Variants in LIMCH1 observed in about 807,000 individuals in gnomAD.
LIMCH1 encodes the protein LIM and calponin homology domains-containing protein 1.
In LIMCH1, 113 loss-of-function variants were observed where a neutral mutation model predicts 176.5. That is an observed-to-expected ratio of 0.64 (90% CI 0.55 to 0.75). The LOEUF is 0.75. LIMCH1 is among the 30% of genes least tolerant of loss of function. The pLI is 0.00. For synonymous variants in LIMCH1, 619 were observed against 645.9 expected, an observed-to-expected ratio of 0.96 and a Z score of 0.63; for missense variants, 1,674 against 1,814.9, an observed-to-expected ratio of 0.92 and a Z score of 1.41.
intron 23 of LIMCH1, among the ~76,000 whole-genome samples, chr4:41,676,720 A>C (rs1300735835): frequency 1.3e-5 from 2 of 152,208 alleles, no homozygotes; most frequent in Non-Finnish European, 2.9e-5. Context: ...AGTATGGATA[A>C]GGGCCAGTCT....
At chr4:41,397,109 T>C (rs555907345) in intron 1 of LIMCH1, among the ~76,000 whole-genome samples, 1 of 152,246 alleles carries the variant, frequency 6.6e-6, no homozygotes, top group African/African-American at 2.4e-5. Flanking sequence ...ATTGGGCCAT[T>C]GGTTTGGTCA....
intron 14 of LIMCH1, among the ~76,000 whole-genome samples, chr4:41,642,647 C>T (rs892502595): frequency 6.6e-6 from 1 of 152,078 alleles, no homozygotes. Context: ...CAACTTCTGC[C>T]TCCCAGGTTC....
intron 1 of LIMCH1, among the ~76,000 whole-genome samples, chr4:41,465,989 C>T (rs2066058216): frequency 7.5e-6 from 1 of 133,026 alleles, no homozygotes; most frequent in Non-Finnish European, 1.5e-5. Context: ...GTCAGAGTCT[C>T]GCTCTGTCTC....
chr4:41,548,987 A>G (rs1013977429), intron 1 of LIMCH1, among the ~76,000 whole-genome samples: 2 of 152,050 alleles, frequency 1.3e-5, no homozygotes, highest in African/African-American at 4.8e-5. Flanking sequence ...ATAAAACTGA[A>G]TGATTGCTGA....
chr4:41,371,167 G>A (rs1310107396), intron 1 of LIMCH1, among the ~76,000 whole-genome samples: 3 of 152,192 alleles, frequency 2.0e-5, no homozygotes, highest in Non-Finnish European at 2.9e-5. Context: ...TAACCAAGCA[G>A]GTGACCTGCC....
At chr4:41,406,924 A>G (rs1581664253) in intron 1 of LIMCH1, among the ~76,000 whole-genome samples, 1 of 152,142 alleles carries the variant, frequency 6.6e-6, no homozygotes, top group Non-Finnish European at 1.5e-5. Flanking sequence ...AGTTGATCAC[A>G]TTTGTTCACC....
rs529662982 is a variant in LIMCH1 at position 41,413,491 on chromosome 4, G to A, written c.96+52555G>A. 8.7e-3 allele frequency among the ~76,000 whole-genome samples: 1,193 copies of A among 137,564 alleles called. 23 individuals carry two copies. The highest frequency in any genetic ancestry group is 0.032 in the African/African-American group (1,124 of 34,846). 90.2% of individuals were successfully genotyped at this position (137,564 alleles called of 152,430 possible). A position where few individuals can be genotyped will look rare whatever the true frequency, so the allele number is the denominator to read the frequency against. On this transcript the variant is annotated intron_variant, in intron 1 of 26. Transcript: ENST00000313860. ...ATTACAGGAACATGCCACCATGCCT[G>A]GCTATTTTTTTTTTTTTTGTATTTT...
chr4:41,587,502 G>A (rs2086694772), intron 1 of LIMCH1, among the ~76,000 whole-genome samples: 1 of 152,152 alleles, frequency 6.6e-6, no homozygotes, highest in Non-Finnish European at 1.5e-5. Context: ...AGAAACTCAT[G>A]AACAGCAAGA....
chr4:41,524,149 T>C (rs1394808881), intron 2 of LIMCH1, among the ~76,000 whole-genome samples: 1 of 152,238 alleles, frequency 6.6e-6, no homozygotes, highest in Non-Finnish European at 1.5e-5. Context: ...GTCCTTTTCC[T>C]TGAAGCCCTC....
At chr4:41,455,494 C>T (rs2064475462) in intron 1 of LIMCH1, among the ~76,000 whole-genome samples, 1 of 152,172 alleles carries the variant, frequency 6.6e-6, no homozygotes, top group African/African-American at 2.4e-5. Context: ...GCTGCAGATG[C>T]TCTTTCATTG....
intron 23 of LIMCH1, among the ~76,000 whole-genome samples, chr4:41,678,580 T>C (rs919997046): frequency 2.6e-5 from 4 of 152,174 alleles, no homozygotes; most frequent in African/African-American, 4.8e-5. Flanking sequence ...ACTGTGGTGC[T>C]CTATTACATG....
intron 1 of LIMCH1, among the ~76,000 whole-genome samples, chr4:41,540,131 T>C (rs2152470503): frequency 6.6e-6 from 1 of 152,340 alleles, no homozygotes; most frequent in Non-Finnish European, 1.5e-5. Flanking sequence ...ACACAATCGT[T>C]TGTTTCCTCG....
At chr4:41,630,759 C>T (rs2093274867) in intron 9 of LIMCH1, among the ~76,000 whole-genome samples, 1 of 152,164 alleles carries the variant, frequency 6.6e-6, no homozygotes. Flanking sequence ...GCTCAAGTTC[C>T]TTATATGAAA....
At chr4:41,526,140 G>A (rs961710974) in intron 3 of LIMCH1, among the ~76,000 whole-genome samples, 3 of 151,866 alleles carry the variant, frequency 2.0e-5, no homozygotes, top group African/African-American at 7.3e-5. Flanking sequence ...GAGCATTTGG[G>A]CAACTTGATA....
intron 1 of LIMCH1, among the ~76,000 whole-genome samples, chr4:41,365,921 C>T (rs1411630724): frequency 2.0e-5 from 3 of 152,194 alleles, no homozygotes; most frequent in Admixed American, 2.0e-4. Context: ...CACTGGCTAC[C>T]AAGAAAGGGA....
chr4:41,364,459 G>T (rs1191499243), intron 1 of LIMCH1, among the ~76,000 whole-genome samples: 1 of 152,056 alleles, frequency 6.6e-6, no homozygotes, highest in African/African-American at 2.4e-5. Flanking sequence ...TAGAAAATAT[G>T]ATTCAATTGC....
Position 41,612,857 on chromosome 4 carries a change from T to TC in LIMCH1, c.10-609_10-608insC, listed in dbSNP as rs1459756802. 11 of 1,359,030 alleles carry TC rather than the reference T, an allele frequency of 8.1e-6. No homozygotes were observed. The African/African-American group carries it at 1.3e-4, about 16-fold the overall frequency. 84.2% of individuals were successfully genotyped at this position (1,359,030 alleles called of 1,614,324 possible). On this transcript the variant is annotated intron_variant, in intron 4 of 31. Transcript: ENST00000503057. ...CATATTTTTCATTGCCTTTCTTTTTTTTTTTTTTTTTTTAACTTTTGCCTC... is the reference window on the plus strand; with the variant it reads ...CATATTTTTCATTGCCTTTCTTTTTTCTTTTTTTTTTTTTAACTTTTGCCTC...
chr4:41,531,875 A>G (rs543096601), intron 3 of LIMCH1, among the ~76,000 whole-genome samples: 1 of 152,280 alleles, frequency 6.6e-6, no homozygotes, highest in South Asian at 2.1e-4. Flanking sequence ...CCCCTTCTTT[A>G]GGGGAACAAG....
intron 1 of LIMCH1, among the ~76,000 whole-genome samples, chr4:41,574,689 A>G (rs2084158434): frequency 6.6e-6 from 1 of 152,152 alleles, no homozygotes; most frequent in African/African-American, 2.4e-5. Flanking sequence ...AATGTGTTGA[A>G]TGTAAGCTAT....
Sources: gnomAD v4.1 joint callset for allele counts (sites outside exome capture counted in the v4.1 genomes callset) on GRCh38, gnomAD v4.1.1 for gene constraint, MANE v1.5 for transcripts, NCBI Gene and HGNC (gene_info 2026-07-23, HGNC 2026-07-21) for gene names.